ESAM: variants seen among roughly 807,000 people sequenced by gnomAD.
The protein encoded by ESAM is endothelial cell-selective adhesion molecule.
A neutral mutation model predicts 31.8 loss-of-function variants in ESAM; 23 were observed. That is an observed-to-expected ratio of 0.72 (90% CI 0.52 to 1.03). ESAM has a LOEUF of 1.03. Ranked by LOEUF, ESAM falls within the 50% of genes least tolerant of loss-of-function variation. ESAM has a pLI of 0.00. For synonymous variants in ESAM, 216 were observed against 207.2 expected (o/e 1.04, Z -0.37); for missense variants, 478 against 488.9 (o/e 0.98, Z 0.21).
At chr11:124,756,402 C>G in intron 3 of ESAM, 40 bp from the exon 4 acceptor site, 5 of 1,564,352 alleles carry the variant, frequency 3.2e-6, no homozygotes, top group Non-Finnish European at 4.3e-6. Context: ...ACCCAGGAGA[C>G]CCACAGATCC....
chr11:124,760,661 GA>G (rs544016073), intron 1 of ESAM, among the ~76,000 whole-genome samples: 20 of 152,348 alleles, frequency 1.3e-4, no homozygotes, highest in African/African-American at 4.3e-4. Flanking sequence ...GGACCGATTG[GA>G]ACTTTTGAGT....
chr11:124,755,398 TAATAA>T (rs1270053871), intron 4 of ESAM, among the ~76,000 whole-genome samples: 2 of 151,594 alleles, frequency 1.3e-5, no homozygotes, highest in African/African-American at 2.4e-5. Context: ...AGTATAATAA[TAATAA>T]AATAAAAATA....
At chr11:124,758,562 C>A (rs1944186147) in intron 1 of ESAM, 35 bp from the exon 2 acceptor site, 1 of 1,471,112 alleles carries the variant, frequency 6.8e-7, no homozygotes, top group African/African-American at 1.4e-5. Context: ...TGCCCAGGAC[C>A]GGCTCCCAGC....
Position 124,756,080 on chromosome 11 carries a change from C to T in ESAM, c.607+127G>A, listed in dbSNP as rs1216425699. ...CATCTTTCTCTGCCCCACATCCTCCCCACATCCTCCTCCTCCTCCCCAGTG... is the reference window on the plus strand; with the variant it reads ...CATCTTTCTCTGCCCCACATCCTCCTCACATCCTCCTCCTCCTCCCCAGTG... On this transcript the variant is annotated intron_variant, in intron 4 of 6. Transcript: ENST00000278927. 10 of 1,331,766 alleles carry T rather than the reference C, an allele frequency of 7.5e-6. No individual in the cohort carries two copies. In the Admixed American group the frequency reaches 8.1e-5, roughly 11 times the overall value. 82.5% of individuals were successfully genotyped at this position (1,331,766 alleles called of 1,614,324 possible). A position where few individuals can be genotyped will look rare whatever the true frequency, so the allele number is the denominator to read the frequency against.
Position 124,756,719 on chromosome 11 carries a change from GA to G in ESAM, c.272del (p.Val91AlafsTer38). The G allele has an allele frequency of 1.2e-6, 2 of 1,614,104 alleles. No individual in the cohort carries two copies. The highest frequency in any genetic ancestry group is 1.7e-6 in the Non-Finnish European group (2 of 1,180,040). On this transcript the variant is annotated frameshift_variant, in exon 3 of 7. Coordinates refer to ENST00000278927, the MANE Select transcript of ESAM (RefSeq NM_138961.3). LOFTEE classifies it high-confidence loss of function. ...AGGATACTCCAGGTTTGCTTGTTGT[GA>G]CCCCATTGATGTAGGACAACACCTG... ...EDQVLSYING[V>X]TTSKPGVSLV...
intron 3 of ESAM, 49 bp from the exon 4 acceptor site, chr11:124,756,411 C>T: frequency 6.3e-7 from 1 of 1,576,082 alleles, no homozygotes; most frequent in Non-Finnish European, 8.6e-7. Flanking sequence ...ACCCACAGAT[C>T]CTCTCCCTCT....
rs781270174 is a variant in ESAM, at chr11:124,756,238, T to C, written c.576A>G (p.Pro192=). The change falls in exon 4 of 7, where the codon CCA becomes CCG. Residue 192 remains proline (P), a synonymous_variant. Coordinates refer to ENST00000278927, the MANE Select transcript of ESAM (RefSeq NM_138961.3). ...AVQYQWDRQL[P]SFQTFFAPAL... ...CTGGTGCAAAGAAAGTCTGGAAGGA[T>C]GGAAGCTGCCGATCCCACTGGTATT... 3.7e-6 allele frequency: 6 copies of C among 1,613,978 alleles called. No individual in the cohort carries two copies. In the Admixed American group the frequency reaches 6.7e-5, roughly 18 times the overall value.
chr11:124,758,118 A>G (rs1242818970), intron 2 of ESAM, among the ~76,000 whole-genome samples: 1 of 151,986 alleles, frequency 6.6e-6, no homozygotes, highest in Non-Finnish European at 1.5e-5. Context: ...TGCCTCTCAC[A>G]CTTTTACAGT....
rs569407653 is a variant in ESAM at position 124,756,306 on chromosome 11, C to T, written c.508G>A (p.Val170Met). Residue 170 changes from valine (V) to methionine (M), a missense_variant, in exon 4 of 7, where the codon GTG becomes ATG. Coordinates refer to ENST00000278927, the MANE Select transcript of ESAM (RefSeq NM_138961.3). ...LQGVPHVGAN[V>M]TLSCQSPRSK... ...CTTGGAGACTGGCAGCTCAGGGTCA[C>T]GTTTGCCCCCACATGGGGCACACCC... 16 of 1,613,080 alleles carry T rather than the reference C, an allele frequency of 9.9e-6. No homozygotes were observed. Among genetic ancestry groups the T allele is most frequent in the South Asian group, 4.4e-5 (4 of 90,858 alleles).
In ESAM at chr11:124,753,839, C is replaced by G. The variant is rs1334919765; in HGVS notation, c.980G>C (p.Arg327Thr). The change falls in exon 7 of 7, where the codon AGG (arginine) becomes ACG (threonine). Residue 327 changes from arginine (R) to threonine (T), a missense_variant. Arg to Thr is a moderately conservative substitution (Grantham distance 71). Transcript: ENST00000278927. ...GGGCGTGGGGGTCAATGCACCAGGC[C>G]TGGGAGGGCCATGGGGTGGCCGGAG... Reference protein sequence around the residue: ...RALRPPHGPPRPGALTPTPSL... With the variant: ...RALRPPHGPPTPGALTPTPSL... 2.5e-6 allele frequency: 4 copies of G among 1,613,434 alleles called. No individual in the cohort carries two copies. Among genetic ancestry groups the G allele is most frequent in the Non-Finnish European group, 3.4e-6 (4 of 1,179,780 alleles).
intron 2 of ESAM, 38 bp downstream of exon 2, chr11:124,758,311 C>G (rs768459132): frequency 1.2e-6 from 2 of 1,613,198 alleles, no homozygotes; most frequent in Non-Finnish European, 1.7e-6. Context: ...CCCCTCTGGG[C>G]GCAACTTGCC....
intron 2 of ESAM, among the ~76,000 whole-genome samples, chr11:124,757,693 CTTTT>C (rs5795429): frequency 2.4e-5 from 3 of 125,000 alleles, no homozygotes; most frequent in African/African-American, 3.2e-5. Context: ...AATATGCTAA[CTTTT>C]TTTTTTTTTT....
intron 1 of ESAM, among the ~76,000 whole-genome samples, chr11:124,758,756 A>G (rs939558255): frequency 2.0e-5 from 3 of 152,206 alleles, no homozygotes; most frequent in Non-Finnish European, 4.4e-5. Context: ...CTGCAGTTGT[A>G]GCGGGGATGG....
At chr11:124,755,834 T>C (rs1944146372) in intron 4 of ESAM, among the ~76,000 whole-genome samples, 1 of 152,214 alleles carries the variant, frequency 6.6e-6, no homozygotes, top group African/African-American at 2.4e-5. Flanking sequence ...CAGTTATCCC[T>C]AAAATTTTTT....
At position 124,758,481 on chromosome 11, in the gene ESAM, C is replaced by G; in HGVS notation, c.117G>C (p.Arg39=). 1.2e-6 allele frequency: 2 copies of G among 1,609,352 alleles called. No homozygotes were observed. The highest frequency in any genetic ancestry group is 1.7e-6 in the Non-Finnish European group (2 of 1,177,780). ...CTTCCCCTCCCTCCACCGCCTGCAA[C>G]CGGTTGGCGGGCAAGTGCAGTTGCA... The part of the protein sequence containing the change: ...AQLQLHLPAN[R]LQAVEGGEVV... Residue 39 remains arginine, a synonymous_variant, in exon 2 of 7, where the codon CGG becomes CGC. Transcript: ENST00000278927.
chr11:124,756,800 G>T lies in ESAM; in HGVS notation c.250-58C>A. 2 of 1,510,222 alleles carry T rather than the reference G, an allele frequency of 1.3e-6. 1 individual carries two copies. The highest frequency in any genetic ancestry group is 4.4e-4 in the Middle Eastern group (2 of 4,518). 93.6% of individuals were successfully genotyped at this position (1,510,222 alleles called of 1,614,324 possible). ...CTACATGTGTCTACTGTGCCTACAG[G>T]CTCAGCCACTCTCCCTCCCCCAGCT... On this transcript the variant is annotated intron_variant, in intron 2 of 6. Transcript: ENST00000278927.
At chr11:124,755,538 G>A (rs1048736176) in intron 4 of ESAM, among the ~76,000 whole-genome samples, 11 of 152,088 alleles carry the variant, frequency 7.2e-5, no homozygotes, top group African/African-American at 2.7e-4. Context: ...GTAATAAGTA[G>A]TATTTTTAAA....
At position 124,756,271 on chromosome 11, in the gene ESAM, G is replaced by T. The variant is rs139265422; in HGVS notation, c.543C>A (p.Pro181=). ...TLSCQSPRSK[P]AVQYQWDRQL... Reference sequence around the variant, plus strand: ...GCCGATCCCACTGGTATTGGACAGCGGGCTTACTCCTTGGAGACTGGCAGC... The same window carrying T: ...GCCGATCCCACTGGTATTGGACAGCTGGCTTACTCCTTGGAGACTGGCAGC... The change falls in exon 4 of 7, where the codon CCC becomes CCA. Residue 181 remains proline, a synonymous_variant. Transcript: ENST00000278927. 3.7e-6 allele frequency: 6 copies of T among 1,614,034 alleles called. No homozygotes were observed. Among genetic ancestry groups the T allele is most frequent in the Middle Eastern group, 3.3e-4 (2 of 6,074 alleles).
intron 1 of ESAM, among the ~76,000 whole-genome samples, chr11:124,761,856 G>T (rs1178726177): frequency 2.2e-4 from 34 of 152,162 alleles, no homozygotes. Flanking sequence ...TCTTCCGAGA[G>T]ATGCCCTTAC....
Sources: allele counts gnomAD v4.1 joint callset (sites outside exome capture counted in the v4.1 genomes callset), GRCh38; gene constraint gnomAD v4.1.1; transcripts MANE v1.5; gene names NCBI Gene and HGNC (gene_info 2026-07-23, HGNC 2026-07-21).